The following MARCHF1 variants were observed in gnomAD, a reference collection of about 807,000 sequenced individuals.
The protein encoded by MARCHF1 is E3 ubiquitin-protein ligase MARCHF1.
Under a neutral mutation model 54.2 loss-of-function variants are expected in MARCHF1, and 40 were observed. The ratio of observed to expected loss-of-function variants is 0.74; its 90% CI spans 0.57 to 0.96. MARCHF1 has a LOEUF of 0.96. Ranked by LOEUF, MARCHF1 falls within the 40% of genes least tolerant of loss-of-function variation. The pLI is 0.00. For synonymous variants in MARCHF1, 236 were observed against 236.3 expected (o/e 1.00, Z 0.01); for missense variants, 586 against 656.5 (o/e 0.89, Z 1.17).
chr4:163,809,270 C>T (rs568107527), intron 4 of MARCHF1, among the ~76,000 whole-genome samples: 1 of 152,146 alleles, frequency 6.6e-6, no homozygotes, highest in Non-Finnish European at 1.5e-5. Flanking sequence ...AAATAGCTTA[C>T]TAATAGTAAG....
At chr4:164,351,054 C>A (rs945125419) in intron 1 of MARCHF1, among the ~76,000 whole-genome samples, 1 of 152,162 alleles carries the variant, frequency 6.6e-6, no homozygotes, top group African/African-American at 2.4e-5. Flanking sequence ...GCTTTTCAGA[C>A]CAGCTTAAAA....
chr4:163,909,892 A>G (rs1405935779), intron 3 of MARCHF1, among the ~76,000 whole-genome samples: 1 of 152,208 alleles, frequency 6.6e-6, no homozygotes, highest in African/African-American at 2.4e-5. Context: ...GTGAACAGCT[A>G]TCCTCAACAA....
Position 163,926,743 on chromosome 4 carries a change from A to G in MARCHF1, c.-39+61758T>C, listed in dbSNP as rs184570995. 3.5e-3 allele frequency among the ~76,000 whole-genome samples: 534 copies of G among 151,814 alleles called. 5 individuals carry two copies. Among genetic ancestry groups the G allele is most frequent in the African/African-American group, 0.012 (496 of 41,534 alleles). On this transcript the variant is annotated intron_variant, in intron 3 of 9. Transcript: ENST00000514618. Reference sequence around the variant, plus strand: ...GCATTTCTCTGATACTAAGACATTTATATTTTAAAGAGTTTTTAAAGAAAA... The same window carrying G: ...GCATTTCTCTGATACTAAGACATTTGTATTTTAAAGAGTTTTTAAAGAAAA...
chr4:164,366,124 A>C (rs990863336), intron 1 of MARCHF1, among the ~76,000 whole-genome samples: 11 of 152,122 alleles, frequency 7.2e-5, no homozygotes, highest in African/African-American at 2.7e-4. Flanking sequence ...AAATCAGAAA[A>C]GTTGTGTTAA....
rs192765980 is a variant in MARCHF1, at chr4:164,331,646, T to C, written c.-323+52224A>G. Among the ~76,000 whole-genome samples, 310 of 152,338 alleles carry C rather than the reference T, an allele frequency of 2.0e-3. 1 individual carries two copies. The highest frequency in any genetic ancestry group is 3.4e-3 in the Non-Finnish European group (232 of 68,024). ...AAGAATGCTTTAATTTATCCCATTT[T>C]CCTTCCTTTTGGTCACATTTATATA... On this transcript the variant is annotated intron_variant, in intron 1 of 9. Coordinates refer to ENST00000514618, the MANE Select transcript of MARCHF1 (RefSeq NM_001394959.1).
At chr4:164,266,935 G>A (rs1194599256) in intron 1 of MARCHF1, among the ~76,000 whole-genome samples, 1 of 152,184 alleles carries the variant, frequency 6.6e-6, no homozygotes, top group African/African-American at 2.4e-5. Context: ...CTCATTAAAA[G>A]CCAAGTATGT....
At chr4:164,337,212 A>G (rs1318090043) in intron 1 of MARCHF1, among the ~76,000 whole-genome samples, 1 of 152,214 alleles carries the variant, frequency 6.6e-6, no homozygotes, top group Non-Finnish European at 1.5e-5. Flanking sequence ...AAAAGTATCA[A>G]TTTTGACTAC....
intron 3 of MARCHF1, among the ~76,000 whole-genome samples, chr4:163,965,950 T>G (rs2110824717): frequency 6.6e-6 from 1 of 152,206 alleles, no homozygotes; most frequent in South Asian, 2.1e-4. Context: ...TTAGTGAAAT[T>G]TATGATATAC....
chr4:163,585,617 C>G (rs1042384159), intron 8 of MARCHF1, 132 bp downstream of exon 8: 7 of 617,966 alleles, frequency 1.1e-5, no homozygotes, highest in Non-Finnish European at 1.9e-5. Flanking sequence ...GTGCACTGAG[C>G]TCAACACAAG....
chr4:163,839,796 G>T (rs1406557599), intron 4 of MARCHF1, among the ~76,000 whole-genome samples: 1 of 152,020 alleles, frequency 6.6e-6, no homozygotes, highest in Non-Finnish European at 1.5e-5. Context: ...AGATTATACC[G>T]ATGATTGCAG....
intron 3 of MARCHF1, among the ~76,000 whole-genome samples, chr4:163,937,371 C>G (rs1264312393): frequency 6.6e-6 from 1 of 151,838 alleles, no homozygotes; most frequent in Non-Finnish European, 1.5e-5. Flanking sequence ...GAATTTTTCA[C>G]TTCTTTATTT....
chr4:163,725,905 CATCTT>C (rs1418367865), intron 4 of MARCHF1, among the ~76,000 whole-genome samples: 3 of 152,202 alleles, frequency 2.0e-5, no homozygotes, highest in Non-Finnish European at 4.4e-5. Flanking sequence ...CTTAGGATGA[CATCTT>C]ATGATTTCCA....
chr4:164,209,826 G>A (rs1731715280), intron 1 of MARCHF1, among the ~76,000 whole-genome samples: 1 of 151,848 alleles, frequency 6.6e-6, no homozygotes, highest in Non-Finnish European at 1.5e-5. Context: ...TTACTAAGTG[G>A]CCTCTAGAAG....
At chr4:163,797,570 T>C (rs997387876) in intron 4 of MARCHF1, among the ~76,000 whole-genome samples, 2 of 152,136 alleles carry the variant, frequency 1.3e-5, no homozygotes, top group African/African-American at 4.8e-5. Context: ...ATCTCTTTTA[T>C]CATTTACATT....
intron 1 of MARCHF1, among the ~76,000 whole-genome samples, chr4:164,349,677 A>T (rs1730221543): frequency 6.6e-6 from 1 of 152,206 alleles, no homozygotes; most frequent in Admixed American, 6.5e-5. Context: ...CATAATCAAA[A>T]TCACTATACT....
At position 163,987,373 on chromosome 4, in the gene MARCHF1, A is replaced by T. The variant is rs893520158; in HGVS notation, c.-39+1128T>A. ...CTAGCCACATCAAGAACTCATTGCC[A>T]TTCAATGACATTTTCAAAATCAGTT... On this transcript the variant is annotated intron_variant, in intron 3 of 9. Transcript: ENST00000514618. 3.5e-4 allele frequency among the ~76,000 whole-genome samples: 53 copies of T among 152,352 alleles called. 1 individual carries two copies. The highest frequency in any genetic ancestry group is 1.2e-3 in the African/African-American group (49 of 41,584).
At chr4:163,888,284 C>G (rs1238967561) in intron 3 of MARCHF1, among the ~76,000 whole-genome samples, 1 of 152,142 alleles carries the variant, frequency 6.6e-6, no homozygotes, top group South Asian at 2.1e-4. Flanking sequence ...AGTGAATATA[C>G]TAAAGAAAAG....
intron 4 of MARCHF1, among the ~76,000 whole-genome samples, chr4:163,761,986 A>G (rs912679594): frequency 2.7e-4 from 41 of 152,180 alleles, no homozygotes; most frequent in Non-Finnish European, 1.3e-4. Context: ...TTTTCAGGCC[A>G]AATAATAATT....
At chr4:164,365,670 T>A (rs998475015) in intron 1 of MARCHF1, among the ~76,000 whole-genome samples, 6 of 152,016 alleles carry the variant, frequency 3.9e-5, no homozygotes, top group Non-Finnish European at 8.8e-5. Context: ...AATGAGAAAT[T>A]TGAGGATTAG....
Sources: gnomAD v4.1 joint callset for allele counts (sites outside exome capture counted in the v4.1 genomes callset) on GRCh38, gnomAD v4.1.1 for gene constraint, MANE v1.5 for transcripts, NCBI Gene and HGNC (gene_info 2026-07-23, HGNC 2026-07-21) for gene names.